Variants in HINT3 observed in about 807,000 individuals in gnomAD.
The protein encoded by HINT3 is adenosine 5'-monophosphoramidase HINT3.
Under a neutral mutation model 19.1 loss-of-function variants are expected in HINT3, and 16 were observed. The observed-to-expected ratio is 0.84, with a 90% CI of 0.57 to 1.27. The LOEUF is 1.27. Ranked by LOEUF, HINT3 falls within the 50% of genes most tolerant of loss-of-function variation. The pLI, the probability that HINT3 is intolerant of heterozygous loss-of-function variation, is 0.00. For missense variants in HINT3, 197 were observed against 225.8 expected, an observed-to-expected ratio of 0.87 and a Z score of 0.82; for synonymous variants, 75 against 84.8, an observed-to-expected ratio of 0.88 and a Z score of 0.63.
intron 1 of HINT3, among the ~76,000 whole-genome samples, chr6:125,965,110 T>G (rs1349729782): frequency 1.3e-5 from 2 of 152,174 alleles, no homozygotes; most frequent in Non-Finnish European, 2.9e-5. Context: ...ACCAAAACCT[T>G]TCAATATAGA....
At chr6:125,975,630 T>C (rs950899773) in intron 4 of HINT3, among the ~76,000 whole-genome samples, 4 of 145,232 alleles carry the variant, frequency 2.8e-5, no homozygotes, top group Admixed American at 2.1e-4. Flanking sequence ...CAAGCTGGAG[T>C]GCAGTAGTGC....
chr6:125,962,027 A>G (rs2128710631), intron 1 of HINT3, among the ~76,000 whole-genome samples: 1 of 151,428 alleles, frequency 6.6e-6, no homozygotes, highest in South Asian at 2.1e-4. Flanking sequence ...AAGGGCAGAG[A>G]GATTGTGAGA....
In HINT3 at chr6:125,974,954, A is replaced by G. The variant is rs577650419; in HGVS notation, c.497A>G (p.Asn166Ser). 43 of 1,613,938 alleles carry G rather than the reference A, an allele frequency of 2.7e-5. No homozygotes were observed. Among genetic ancestry groups the G allele is most frequent in the Admixed American group, 5.0e-5 (3 of 60,010 alleles). The stretch of plus-strand genomic sequence containing the variant: ...TTATCCAAGTTGGTTTATAGAGTCA[A>G]TTCCTATTGGTTTATCACAGTGAGT... ...GFLSKLVYRVNSYWFITADHL... is the reference protein window; with the variant it reads ...GFLSKLVYRVSSYWFITADHL... The change falls in exon 4 of 5, where the codon AAT (asparagine) becomes AGT (serine). Residue 166 changes from asparagine (N) to serine (S), a missense_variant. By Grantham distance (46) the Asn-to-Ser change is conservative (BLOSUM62 1). Transcript: ENST00000229633.
At chr6:125,977,544 T>G in intron 4 of HINT3, 100 bp from the exon 5 acceptor site, 1 of 566,108 alleles carries the variant, frequency 1.8e-6, no homozygotes. Context: ...TATATAGTAC[T>G]CAACTCTTCT....
At chr6:125,976,501 C>T (rs534135440) in intron 4 of HINT3, among the ~76,000 whole-genome samples, 25 of 146,398 alleles carry the variant, frequency 1.7e-4, no homozygotes, top group African/African-American at 5.0e-4. Flanking sequence ...GATATTCTGC[C>T]GGACAGCTGG....
chr6:125,973,755 A>G (rs1789142302), intron 3 of HINT3, among the ~76,000 whole-genome samples: 1 of 152,224 alleles, frequency 6.6e-6, no homozygotes, highest in Admixed American at 6.5e-5. Context: ...GTCATAGGAT[A>G]CTTATTAGAA....
At chr6:125,963,661 A>C (rs1788976524) in intron 1 of HINT3, among the ~76,000 whole-genome samples, 1 of 152,208 alleles carries the variant, frequency 6.6e-6, no homozygotes, top group Non-Finnish European at 1.5e-5. Context: ...GAGAAAAACA[A>C]TTTTTATTCT....
At chr6:125,966,038 G>A (rs1363289542) in intron 1 of HINT3, among the ~76,000 whole-genome samples, 4 of 151,992 alleles carry the variant, frequency 2.6e-5, no homozygotes, top group Non-Finnish European at 4.4e-5. Flanking sequence ...TTTTTCTAAG[G>A]GAAACTCTGC....
chr6:125,960,027 T>G (rs1389304363), intron 1 of HINT3, among the ~76,000 whole-genome samples: 1 of 152,236 alleles, frequency 6.6e-6, no homozygotes, highest in African/African-American at 2.4e-5. Context: ...AAAATTTTAG[T>G]CAGGAAAATC....
chr6:125,973,037 C>T (rs1001349616), intron 3 of HINT3, among the ~76,000 whole-genome samples: 2 of 138,876 alleles, frequency 1.4e-5, no homozygotes, highest in Admixed American at 7.3e-5. Flanking sequence ...TGAACTCTGG[C>T]GTAAGCACAT....
intron 1 of HINT3, among the ~76,000 whole-genome samples, chr6:125,965,201 G>T (rs779331858): frequency 6.6e-6 from 1 of 152,096 alleles, no homozygotes; most frequent in South Asian, 2.1e-4. Flanking sequence ...TTTAGGAACC[G>T]CTTTAGCTTT....
At position 125,974,907 on chromosome 6, in the gene HINT3, A is replaced by G. The variant is rs1789159403; in HGVS notation, c.450A>G (p.Ala150=). The G allele has an allele frequency of 6.2e-7, 1 of 1,613,860 alleles. No homozygotes were observed. The part of the protein sequence containing the change: ...SISHLHLHVL[A]PVDQLGFLSK... ...CCCACTTGCACCTTCATGTTCTGGC[A>G]CCAGTGGATCAGCTTGGCTTCTTAT... The change falls in exon 4 of 5, where the codon GCA becomes GCG. Residue 150 remains alanine (A), a synonymous_variant. Coordinates refer to ENST00000229633, the MANE Select transcript of HINT3 (RefSeq NM_138571.5).
rs1175254560 is a variant in HINT3 at position 125,978,498 on chromosome 6, T to C, written c.*822T>C. ...GCTTTTATCATGAAAAGGGCCTGAT[T>C]TGAAGGTAGAGATAGGCTTAGATGA... is the stretch of plus-strand genomic sequence containing the variant. On this transcript the variant is annotated 3_prime_UTR_variant, in exon 5 of 5. Transcript: ENST00000229633. 1 of 152,120 alleles carries C rather than the reference T, an allele frequency of 6.6e-6. No homozygotes were observed. The highest frequency in any genetic ancestry group is 2.4e-5 in the African/African-American group (1 of 41,436). 9.4% of individuals were successfully genotyped at this position (152,120 alleles called of 1,614,324 possible).
In HINT3 at chr6:125,972,319, C is replaced by T. The variant is rs199906226; in HGVS notation, c.380C>T (p.Thr127Met). ...ILERNNFTDF[T>M]NVRMGFHMPP... ...GAAAGAAATAATTTCACTGACTTCA[C>T]GAATGTGAGGTGTGTATACTTCCAG... The change falls in exon 3 of 5, where the codon ACG becomes ATG. Residue 127 changes from threonine to methionine, a missense_variant. Physicochemically the swap from Thr to Met is moderately conservative, Grantham distance 81. Transcript: ENST00000229633. The T allele has an allele frequency of 1.7e-5, 26 of 1,564,400 alleles. No individual in the cohort carries two copies. Among genetic ancestry groups the T allele is most frequent in the African/African-American group, 2.8e-5 (2 of 71,892 alleles).
Position 125,956,799 on chromosome 6 carries a change from C to G in HINT3, c.-179C>G. ...AGTGGCAGCCGGTTTTGAGGCCGGC[C>G]TCCGGCTTTGAAGTTCCTCACCGCG... On this transcript the variant is annotated 5_prime_UTR_variant, in exon 1 of 5. Coordinates refer to ENST00000229633, the MANE Select transcript of HINT3 (RefSeq NM_138571.5). The G allele has an allele frequency of 1.4e-6, 1 of 698,184 alleles. No individual in the cohort carries two copies. The highest frequency in any genetic ancestry group is 2.3e-6 in the Non-Finnish European group (1 of 428,022). 43.2% of individuals were successfully genotyped at this position (698,184 alleles called of 1,614,324 possible).
chr6:125,965,916 T>C (rs1789010849), intron 1 of HINT3, among the ~76,000 whole-genome samples: 1 of 152,206 alleles, frequency 6.6e-6, no homozygotes. Context: ...ATAATTATCA[T>C]GTTTGTTATC....
chr6:125,959,701 G>C lies in HINT3; in HGVS notation c.201+2523G>C, dbSNP rs897507831. On this transcript the variant is annotated intron_variant, in intron 1 of 4. Coordinates refer to ENST00000229633, the MANE Select transcript of HINT3 (RefSeq NM_138571.5). ...GTAGTGGTAGCTACAGGAGAAGTTG[G>C]GGATTAAGAGAAAGCTTTTAAAACA... is the stretch of plus-strand genomic sequence containing the variant. Among the ~76,000 whole-genome samples, 8 of 152,270 alleles carry C rather than the reference G, an allele frequency of 5.3e-5. No individual in the cohort carries two copies. The South Asian group carries it at 1.7e-3, about 32-fold the overall frequency.
At chr6:125,966,159 T>C (rs1789014921) in intron 1 of HINT3, among the ~76,000 whole-genome samples, 1 of 152,120 alleles carries the variant, frequency 6.6e-6, no homozygotes, top group African/African-American at 2.4e-5. Flanking sequence ...ATTTAGTGAA[T>C]ATAAATTTTC....
At chr6:125,962,307 TCAC>T (rs1280157651) in intron 1 of HINT3, among the ~76,000 whole-genome samples, 1 of 25,984 alleles carries the variant, frequency 3.8e-5, no homozygotes. Flanking sequence ...TATATATATA[TCAC>T]ACATATATAT....
Sources: allele counts gnomAD v4.1 joint callset (sites outside exome capture counted in the v4.1 genomes callset), GRCh38; gene constraint gnomAD v4.1.1; transcripts MANE v1.5; gene names NCBI Gene and HGNC (gene_info 2026-07-23, HGNC 2026-07-21).